Variants in PDE1C observed in about 807,000 individuals in gnomAD.
PDE1C encodes phosphodiesterase 1C.
A neutral mutation model predicts 93.1 loss-of-function variants in PDE1C; 62 were observed. The observed-to-expected ratio is 0.67, with a 90% CI of 0.54 to 0.82. PDE1C has a LOEUF of 0.82. Among genes scored for constraint, PDE1C ranks in the 40% least tolerant of loss-of-function variants. PDE1C has a pLI of 0.00. For synonymous variants in PDE1C, 325 were observed against 310.1 expected, an observed-to-expected ratio of 1.05 and a Z score of -0.50; for missense variants, 742 against 884.6, an observed-to-expected ratio of 0.84 and a Z score of 2.04.
At chr7:31,663,400 A>G in the PDE1C span, among the ~76,000 whole-genome samples, 4 of 152,206 alleles carry the variant, frequency 2.6e-5, no homozygotes, top group Admixed American at 2.0e-4. Flanking sequence ...TCTGCTTTCC[A>G]GGGGCTCCTT....
chr7:32,024,851 G>T (rs1789190446), intron 2 of PDE1C, among the ~76,000 whole-genome samples: 1 of 152,220 alleles, frequency 6.6e-6, no homozygotes, highest in Middle Eastern at 3.4e-3. Context: ...GGCAACTGCA[G>T]ATTCCTCTTC....
chr7:32,021,119 G>C (rs1788609931), intron 2 of PDE1C, among the ~76,000 whole-genome samples: 1 of 152,060 alleles, frequency 6.6e-6, no homozygotes, highest in Admixed American at 6.6e-5. Context: ...CATAGAACTG[G>C]TTTGCCCCTC....
chr7:32,277,945 G>A (rs550352192), intron 1 of PDE1C, among the ~76,000 whole-genome samples: 4 of 152,270 alleles, frequency 2.6e-5, no homozygotes, highest in African/African-American at 7.2e-5. Flanking sequence ...GGCAGTGGGA[G>A]GAGATAGAAG....
intron 3 of PDE1C, among the ~76,000 whole-genome samples, chr7:32,148,895 T>C (rs1016869714): frequency 3.3e-5 from 5 of 152,172 alleles, no homozygotes; most frequent in Non-Finnish European, 7.3e-5. Flanking sequence ...ACTGTACAGT[T>C]TACCAAGCTT....
chr7:31,953,848 A>G lies in PDE1C; in HGVS notation c.129-72988T>C, dbSNP rs1010172198. Among the ~76,000 whole-genome samples the G allele has an allele frequency of 5.9e-5, 9 of 151,546 alleles. No individual in the cohort carries two copies. In the South Asian group the frequency reaches 1.3e-3, roughly 21 times the overall value. Reference sequence around the variant, plus strand: ...TGTCCTGAGTTAGTAAAATATTAAGAAAAAAAAACCAGTATGAGTAGAGCT... The same window carrying G: ...TGTCCTGAGTTAGTAAAATATTAAGGAAAAAAAACCAGTATGAGTAGAGCT... On this transcript the variant is annotated intron_variant, in intron 2 of 17. Coordinates refer to ENST00000396191, the MANE Select transcript of PDE1C (RefSeq NM_001191057.4).
chr7:31,651,010 TC>T, the PDE1C span: 1 of 921,988 alleles, frequency 1.1e-6, no homozygotes. Flanking sequence ...TCCTATTCCC[TC>T]CCCCTTATAT....
At chr7:31,675,672 G>C in the PDE1C span, among the ~76,000 whole-genome samples, 2 of 151,484 alleles carry the variant, frequency 1.3e-5, no homozygotes, top group African/African-American at 4.9e-5. Flanking sequence ...CAATATAATT[G>C]CATTCATACA....
At chr7:31,695,323 G>C in the PDE1C span, 1 of 599,464 alleles carries the variant, frequency 1.7e-6, no homozygotes, top group Non-Finnish European at 2.6e-6. Flanking sequence ...GTCCTTTGTG[G>C]AATAGGCCAC....
chr7:32,307,395 G>A (rs1428743955), intron 1 of PDE1C, among the ~76,000 whole-genome samples: 1 of 152,148 alleles, frequency 6.6e-6, no homozygotes, highest in African/African-American at 2.4e-5. Flanking sequence ...CAGAAACCAG[G>A]CATGGAATAA....
chr7:31,643,049 C>T, the PDE1C span: 1 of 1,613,964 alleles, frequency 6.2e-7, no homozygotes, highest in Non-Finnish European at 8.5e-7. Context: ...ACAGCCACTT[C>T]CAAATATGAT....
chr7:32,067,083 C>T (rs1795491459), intron 1 of PDE1C, among the ~76,000 whole-genome samples: 1 of 152,184 alleles, frequency 6.6e-6, no homozygotes, highest in African/African-American at 2.4e-5. Context: ...TGGGCGCCAT[C>T]ATCATAACAG....
chr7:31,947,984 A>G (rs372203181), intron 2 of PDE1C, among the ~76,000 whole-genome samples: 2 of 152,196 alleles, frequency 1.3e-5, no homozygotes, highest in African/African-American at 4.8e-5. Context: ...ATTTACCTCT[A>G]TTTTTAGGAT....
At chr7:32,027,605 GGTAAAAAAAAAAAAAAAAAA>G (rs1789625029) in intron 2 of PDE1C, among the ~76,000 whole-genome samples, 1 of 5,232 alleles carries the variant, frequency 1.9e-4, no homozygotes, top group Non-Finnish European at 4.2e-4. Flanking sequence ...TATCAAAAAT[GGTAAAAAAAAAAAAAAAAAA>G]AAAAAAAAAA....
rs1228946134 is a variant in PDE1C, at chr7:31,842,221, T to G, written c.981-4250A>C. ...AATTAGTTAATATTTTACTGAGAAT[T>G]GTTATAGCTATGTTCATAAAATACA... On this transcript the variant is annotated intron_variant, in intron 9 of 17. Coordinates refer to ENST00000396191, the MANE Select transcript of PDE1C (RefSeq NM_001191057.4). Among the ~76,000 whole-genome samples the G allele has an allele frequency of 2.0e-5, 3 of 152,182 alleles. No individual in the cohort carries two copies. The East Asian group carries it at 5.8e-4, about 29-fold the overall frequency.
At chr7:32,151,095 T>C (rs1801225228) in intron 3 of PDE1C, among the ~76,000 whole-genome samples, 1 of 152,168 alleles carries the variant, frequency 6.6e-6, no homozygotes, top group Non-Finnish European at 1.5e-5. Context: ...CTCTGGCCAA[T>C]AATCAGTATT....
chr7:32,272,559 C>T (rs1378834075), intron 1 of PDE1C, among the ~76,000 whole-genome samples: 1 of 152,152 alleles, frequency 6.6e-6, no homozygotes. Flanking sequence ...GACTTTTGAC[C>T]AGCAAAATAT....
In PDE1C at chr7:32,385,581, T is replaced by A. The variant is rs144085322; in HGVS notation, c.310+42241A>T. 6.3e-3 allele frequency among the ~76,000 whole-genome samples: 964 copies of A among 152,278 alleles called. 15 individuals are homozygous for A. The highest frequency in any genetic ancestry group is 0.022 in the African/African-American group (919 of 41,572). Reference sequence around the variant, plus strand: ...ACAGAAGCTGGTAGGAAGCCCATCCTGGGTTTTTGTTCCGCTGAAATCCAA... The same window carrying A: ...ACAGAAGCTGGTAGGAAGCCCATCCAGGGTTTTTGTTCCGCTGAAATCCAA... On this transcript the variant is annotated intron_variant, in intron 1 of 1. Coordinates refer to the PDE1C transcript ENST00000672256.
chr7:32,194,705 T>C (rs574672353), intron 2 of PDE1C, among the ~76,000 whole-genome samples: 10 of 152,342 alleles, frequency 6.6e-5, no homozygotes, highest in Middle Eastern at 6.8e-3. Context: ...AGTTGGGTCA[T>C]GTTTTTTAAC....
At chr7:31,821,341 T>C (rs1788937088) in intron 14 of PDE1C, among the ~76,000 whole-genome samples, 1 of 152,178 alleles carries the variant, frequency 6.6e-6, no homozygotes. Flanking sequence ...GGGCCAGTTT[T>C]CTCCTGAAAC....
Sources: gnomAD v4.1 joint callset for allele counts (sites outside exome capture counted in the v4.1 genomes callset) on GRCh38, gnomAD v4.1.1 for gene constraint, MANE v1.5 for transcripts, NCBI Gene and HGNC (gene_info 2026-07-23, HGNC 2026-07-21) for gene names.